CCSER1: variants seen among roughly 807,000 people sequenced by gnomAD.
CCSER1 encodes the protein serine-rich coiled-coil domain-containing protein 1.
In CCSER1, 41 loss-of-function variants were observed where a neutral mutation model predicts 82.0. The observed-to-expected ratio is 0.50, with a 90% CI of 0.39 to 0.65. The LOEUF is 0.65. CCSER1 is among the 30% of genes least tolerant of loss of function. CCSER1 has a pLI of 0.00. For synonymous variants in CCSER1, 414 were observed against 383.9 expected (o/e 1.08, Z -0.92); for missense variants, 1,119 against 1,064.2 (o/e 1.05, Z -0.72).
chr4:91,227,475 A>G (rs1207168090), intron 10 of CCSER1, among the ~76,000 whole-genome samples: 2 of 151,800 alleles, frequency 1.3e-5, no homozygotes, highest in African/African-American at 2.4e-5. Context: ...TATGAAGACA[A>G]AACTATTTTG....
intron 3 of CCSER1, among the ~76,000 whole-genome samples, chr4:90,336,618 C>A (rs1740450070): frequency 6.6e-6 from 1 of 152,106 alleles, no homozygotes; most frequent in Non-Finnish European, 1.5e-5. Context: ...AACTACAAAT[C>A]AGCTTGGTCC....
At chr4:91,260,312 C>A (rs1741007695) in intron 10 of CCSER1, among the ~76,000 whole-genome samples, 1 of 152,186 alleles carries the variant, frequency 6.6e-6, no homozygotes, top group Non-Finnish European at 1.5e-5. Context: ...TATACACATA[C>A]ACACCCATGC....
chr4:90,260,294 T>C (rs1332504480), intron 1 of CCSER1, among the ~76,000 whole-genome samples: 1 of 152,162 alleles, frequency 6.6e-6, no homozygotes. Context: ...TGTATTTTTG[T>C]GGTATTGGTT....
chr4:90,381,252 C>G (rs1369064001), intron 3 of CCSER1, among the ~76,000 whole-genome samples: 1 of 152,156 alleles, frequency 6.6e-6, no homozygotes, highest in Non-Finnish European at 1.5e-5. Context: ...GGCAGGCCTT[C>G]ATTTTAACAT....
At chr4:91,550,297 G>A (rs769843754) in intron 10 of CCSER1, among the ~76,000 whole-genome samples, 10 of 152,128 alleles carry the variant, frequency 6.6e-5, no homozygotes, top group Admixed American at 1.3e-4. Context: ...TTGTGGCACC[G>A]TATGTCACTC....
chr4:90,802,890 T>C (rs1170967106), intron 7 of CCSER1, among the ~76,000 whole-genome samples: 1 of 133,570 alleles, frequency 7.5e-6, no homozygotes, highest in Non-Finnish European at 1.6e-5. Flanking sequence ...TATTCCTTTT[T>C]TCTTTCTTCT....
chr4:91,230,681 A>G (rs1345508094), intron 10 of CCSER1, among the ~76,000 whole-genome samples: 1 of 151,986 alleles, frequency 6.6e-6, no homozygotes, highest in African/African-American at 2.4e-5. Context: ...TAGGTAAAAG[A>G]TAATACAATA....
intron 10 of CCSER1, among the ~76,000 whole-genome samples, chr4:91,372,095 A>T (rs1444966466): frequency 2.0e-5 from 3 of 152,204 alleles, no homozygotes; most frequent in African/African-American, 7.2e-5. Context: ...ACACTTCTAA[A>T]AGGATCTGTG....
chr4:90,621,859 ATCT>A (rs1032247716), intron 5 of CCSER1, among the ~76,000 whole-genome samples: 5 of 152,178 alleles, frequency 3.3e-5, no homozygotes, highest in Admixed American at 2.0e-4. Flanking sequence ...TCTGTGGCAG[ATCT>A]TCTCCTTTAT....
chr4:90,185,776 ATTAAAT>A (rs1734502684), intron 1 of CCSER1, among the ~76,000 whole-genome samples: 1 of 139,464 alleles, frequency 7.2e-6, no homozygotes, highest in South Asian at 2.3e-4. Flanking sequence ...TGAATATGTA[ATTAAAT>A]TTAAAATATT....
At chr4:90,344,376 C>T (rs747634575) in intron 3 of CCSER1, among the ~76,000 whole-genome samples, 2 of 152,224 alleles carry the variant, frequency 1.3e-5, no homozygotes, top group Non-Finnish European at 2.9e-5. Context: ...GTGTTCTGCA[C>T]GTGTTCTTAT....
At chr4:91,159,920 T>G (rs931815989) in intron 10 of CCSER1, among the ~76,000 whole-genome samples, 13 of 152,006 alleles carry the variant, frequency 8.6e-5, no homozygotes, top group African/African-American at 2.7e-4. Flanking sequence ...TATTATACTT[T>G]AAGTTCTAGG....
chr4:91,261,101 C>A (rs140874430), intron 10 of CCSER1, among the ~76,000 whole-genome samples: 33 of 152,322 alleles, frequency 2.2e-4, no homozygotes, highest in African/African-American at 7.5e-4. Context: ...GCCTTGGCTG[C>A]ACCTTATACC....
intron 10 of CCSER1, among the ~76,000 whole-genome samples, chr4:91,405,898 G>C (rs987808764): frequency 3.3e-5 from 5 of 152,108 alleles, no homozygotes; most frequent in Non-Finnish European, 7.4e-5. Context: ...AAGCCCCAGT[G>C]AGATGAACCT....
intron 1 of CCSER1, among the ~76,000 whole-genome samples, chr4:90,129,249 T>C (rs1322797928): frequency 6.6e-6 from 1 of 151,886 alleles, no homozygotes; most frequent in Non-Finnish European, 1.5e-5. Context: ...TAGGTGGGGG[T>C]CAGTTATCAC....
At position 90,161,771 on chromosome 4, in the gene CCSER1, C is replaced by T. The variant is rs539720525; in HGVS notation, c.-42+33940C>T. Among the ~76,000 whole-genome samples the T allele has an allele frequency of 1.5e-4, 23 of 151,980 alleles. 1 individual carries two copies. The South Asian group carries it at 4.6e-3, about 30-fold the overall frequency. On this transcript the variant is annotated intron_variant, in intron 1 of 10. Coordinates refer to ENST00000509176, the MANE Select transcript of CCSER1 (RefSeq NM_001145065.2). Reference sequence around the variant, plus strand: ...AGAATGAACTAACAAATTCCTTGATCAAAAGTAAAAATGTAAAAATTCTCA... The same window carrying T: ...AGAATGAACTAACAAATTCCTTGATTAAAAGTAAAAATGTAAAAATTCTCA...
intron 5 of CCSER1, among the ~76,000 whole-genome samples, chr4:90,509,427 G>A (rs980140453): frequency 2.0e-5 from 3 of 151,968 alleles, no homozygotes; most frequent in Admixed American, 6.6e-5. Flanking sequence ...TTGCTAAGTC[G>A]TTTGCCATCT....
At chr4:91,576,702 C>G (rs1763468017) in intron 10 of CCSER1, among the ~76,000 whole-genome samples, 1 of 151,962 alleles carries the variant, frequency 6.6e-6, no homozygotes, top group East Asian at 1.9e-4. Flanking sequence ...GTTTTTTATA[C>G]ACTTTATACA....
At chr4:90,432,797 A>G (rs1046349533) in intron 4 of CCSER1, among the ~76,000 whole-genome samples, 4 of 152,138 alleles carry the variant, frequency 2.6e-5, no homozygotes, top group African/African-American at 9.7e-5. Context: ...AACAATGAAC[A>G]TTAAAAACCA....
Sources: allele counts gnomAD v4.1 joint callset (sites outside exome capture counted in the v4.1 genomes callset), GRCh38; gene constraint gnomAD v4.1.1; transcripts MANE v1.5; gene names NCBI Gene and HGNC (gene_info 2026-07-23, HGNC 2026-07-21).